Variants in PLCG2 observed in about 807,000 individuals in gnomAD.
PLCG2 encodes the protein 1-phosphatidylinositol 4,5-bisphosphate phosphodiesterase gamma-2.
Under a neutral mutation model 175.6 loss-of-function variants are expected in PLCG2, and 69 were observed. That is an observed-to-expected ratio of 0.39 (90% confidence interval 0.32 to 0.48). The LOEUF (loss-of-function observed/expected upper bound fraction) is 0.48, where lower values mean the gene tolerates loss of function less well. Among genes scored for constraint, PLCG2 ranks in the 20% least tolerant of loss-of-function variants. PLCG2 has a pLI of 0.91. For missense variants in PLCG2, 1,798 were observed against 1,650.9 expected, an observed-to-expected ratio of 1.09 and a Z score of -1.54; for synonymous variants, 827 against 624.0, an observed-to-expected ratio of 1.33 and a Z score of -4.85.
chr16:81,953,054 C>T (rs914514962), intron 31 of PLCG2, among the ~76,000 whole-genome samples: 1 of 152,224 alleles, frequency 6.6e-6, no homozygotes, highest in East Asian at 1.9e-4. Flanking sequence ...CTTGCCAAAA[C>T]TGCATCGCCT....
chr16:81,892,187 A>G (rs945317644), intron 11 of PLCG2, among the ~76,000 whole-genome samples: 2 of 152,220 alleles, frequency 1.3e-5, no homozygotes, highest in African/African-American at 4.8e-5. Context: ...GGAGTGCAGA[A>G]TCCAGGAGAG....
intron 7 of PLCG2, among the ~76,000 whole-genome samples, chr16:81,874,618 G>A (rs1907676496): frequency 6.6e-6 from 1 of 152,172 alleles, no homozygotes; most frequent in Non-Finnish European, 1.5e-5. Context: ...GGATTTCTCA[G>A]GCTCCTGCAG....
At chr16:81,907,837 C>G in intron 16 of PLCG2, 63 bp downstream of exon 16, 1 of 1,202,000 alleles carries the variant, frequency 8.3e-7, no homozygotes, top group Non-Finnish European at 1.2e-6. Context: ...CCAGCCAGTC[C>G]CCGGGACCTC....
intron 2 of PLCG2, among the ~76,000 whole-genome samples, chr16:81,841,561 A>G (rs1296616085): frequency 1.3e-5 from 2 of 151,988 alleles, no homozygotes; most frequent in African/African-American, 4.8e-5. Context: ...CTTTTTGCAA[A>G]GTTTTTTTTC....
At chr16:81,787,598 C>T (rs4584816) in intron 2 of PLCG2, among the ~76,000 whole-genome samples, 29,847 of 149,730 alleles carry the variant, frequency 0.2, 3,144 homozygotes, top group Non-Finnish European at 0.23. Context: ...ATAGAATTCA[C>T]CCATTGTATG....
At chr16:81,901,031 A>T (rs1038609374) in intron 14 of PLCG2, among the ~76,000 whole-genome samples, 1 of 152,230 alleles carries the variant, frequency 6.6e-6, no homozygotes, top group Non-Finnish European at 1.5e-5. Flanking sequence ...TGGGAGCATG[A>T]TGTGAGGGAA....
At chr16:81,762,354 A>C (rs1319240885) in intron 2 of PLCG2, among the ~76,000 whole-genome samples, 1 of 152,042 alleles carries the variant, frequency 6.6e-6, no homozygotes, top group Admixed American at 6.6e-5. Context: ...GGATCACCTG[A>C]GGTCAGGAGT....
At chr16:81,761,095 C>G (rs1910032754) in intron 2 of PLCG2, among the ~76,000 whole-genome samples, 1 of 152,166 alleles carries the variant, frequency 6.6e-6, no homozygotes, top group Non-Finnish European at 1.5e-5. Context: ...CAAGGTTTCA[C>G]TATGTTGCCC....
intron 2 of PLCG2, among the ~76,000 whole-genome samples, chr16:81,815,100 T>G (rs1904484674): frequency 6.6e-6 from 1 of 152,114 alleles, no homozygotes; most frequent in South Asian, 2.1e-4. Context: ...TTTTCCTGAG[T>G]TATGGAAGGA....
In PLCG2 at chr16:81,931,558, G is replaced by A. The variant is rs750480533; in HGVS notation, c.2643G>A (p.Gln881=). The change falls in exon 25 of 33, where the codon CAG becomes CAA. Residue 881 remains glutamine, a synonymous_variant. Transcript: ENST00000564138. ...TCTTCATCCTGGAGCCCAAGCAGCA[G>A]GGCGATCCTCCGGTGGAGTTTGCCA... ...SFVFILEPKQ[Q]GDPPVEFATD... 5.6e-6 allele frequency: 9 copies of A among 1,614,120 alleles called. No individual in the cohort carries two copies. The highest frequency in any genetic ancestry group is 1.1e-5 in the South Asian group (1 of 91,074).
chr16:81,784,001 A>T (rs8052218), intron 1 of PLCG2, among the ~76,000 whole-genome samples: 11,447 of 151,948 alleles, frequency 0.075, 659 homozygotes, highest in African/African-American at 0.15. Flanking sequence ...TAAATTTAGG[A>T]TTCCTTCTTG....
intron 2 of PLCG2, among the ~76,000 whole-genome samples, chr16:81,766,461 C>CCTCA (rs1241768668): frequency 1.4e-5 from 2 of 147,364 alleles, no homozygotes; most frequent in Non-Finnish European, 3.0e-5. Flanking sequence ...CTCACTTAGC[C>CCTCA]AGCGCCTCCT....
At position 81,920,516 on chromosome 16, in the gene PLCG2, A is replaced by C. The variant is rs1324838041; in HGVS notation, c.2236-682A>C. Among the ~76,000 whole-genome samples the C allele has an allele frequency of 2.6e-5, 4 of 152,364 alleles. No individual in the cohort carries two copies. The East Asian group carries it at 7.7e-4, about 29-fold the overall frequency. On this transcript the variant is annotated intron_variant, in intron 20 of 32. Coordinates refer to ENST00000564138, the MANE Select transcript of PLCG2 (RefSeq NM_002661.5). ...ACACTACCTTAGGCTGTGGGAGTGG[A>C]GATCAGAGAAGGCCACCTTAAAAGG...
chr16:81,885,943 G>A (rs183403696), intron 9 of PLCG2, among the ~76,000 whole-genome samples: 9 of 152,332 alleles, frequency 5.9e-5, no homozygotes, highest in South Asian at 4.1e-4. Flanking sequence ...GTTTGAGGGA[G>A]GAAGTAAAAT....
At chr16:81,848,622 C>G (rs72832070) in intron 2 of PLCG2, among the ~76,000 whole-genome samples, 35,219 of 152,062 alleles carry the variant, frequency 0.23, 4,978 homozygotes, top group East Asian at 0.56. Flanking sequence ...CTCTCTGTCC[C>G]CTGCTCTGCT....
intron 5 of PLCG2, among the ~76,000 whole-genome samples, chr16:81,861,556 T>C (rs1384767643): frequency 6.6e-6 from 1 of 152,268 alleles, no homozygotes; most frequent in Admixed American, 6.5e-5. Context: ...ATGCCCTGCC[T>C]GCTCCGCCAC....
At chr16:81,757,664 A>G (rs571731533) in intron 2 of PLCG2, among the ~76,000 whole-genome samples, 2 of 152,350 alleles carry the variant, frequency 1.3e-5, no homozygotes, top group South Asian at 2.1e-4. Context: ...TTATTGAGAT[A>G]TAATTCATGT....
In PLCG2 at chr16:81,946,196, A is replaced by G; in HGVS notation, c.3503A>G (p.Lys1168Arg). 1 of 1,613,850 alleles carries G rather than the reference A, an allele frequency of 6.2e-7. No individual in the cohort carries two copies. The highest frequency in any genetic ancestry group is 8.5e-7 in the Non-Finnish European group (1 of 1,179,752). The change falls in exon 31 of 33, where the codon AAG becomes AGG. Residue 1168 changes from lysine (K) to arginine (R), a missense_variant. Physicochemically the swap from Lys to Arg is conservative, Grantham distance 26. Transcript: ENST00000564138. ...VKSGFRSVPL[K>R]NGYSEDIELA... ...TCAGGATTCAGGTCCGTTCCTCTGAAGAATGGGTACAGCGAGGACATAGAG... is the reference window on the plus strand; with the variant it reads ...TCAGGATTCAGGTCCGTTCCTCTGAGGAATGGGTACAGCGAGGACATAGAG...
chr16:81,931,940 A>G (rs955765176), intron 25 of PLCG2, among the ~76,000 whole-genome samples: 2 of 152,174 alleles, frequency 1.3e-5, no homozygotes, highest in Non-Finnish European at 2.9e-5. Flanking sequence ...GGCCCTACAT[A>G]TCTTACCAAG....
Sources: gnomAD v4.1 joint callset for allele counts (sites outside exome capture counted in the v4.1 genomes callset) on GRCh38, gnomAD v4.1.1 for gene constraint, MANE v1.5 for transcripts, NCBI Gene and HGNC (gene_info 2026-07-23, HGNC 2026-07-21) for gene names.